The following SLC6A20 variants were observed in gnomAD, a reference collection of about 807,000 sequenced individuals.
SLC6A20 encodes the protein sodium- and chloride-dependent transporter XTRP3.
A neutral mutation model predicts 64.3 loss-of-function variants in SLC6A20; 73 were observed. The observed-to-expected ratio is 1.14, with a 90% confidence interval of 0.94 to 1.38. The LOEUF is 1.38. Among genes scored for constraint, SLC6A20 ranks in the 40% most tolerant of loss-of-function variants. SLC6A20 has a pLI of 0.00. For missense variants in SLC6A20, 725 were observed against 772.8 expected, an observed-to-expected ratio of 0.94 and a Z score of 0.73; for synonymous variants, 347 against 329.6, an observed-to-expected ratio of 1.05 and a Z score of -0.57.
chr3:45,780,120 C>T lies in SLC6A20; in HGVS notation c.263-20G>A, dbSNP rs376576555. Reference sequence around the variant, plus strand: ...CGACCCCTGCGAGGAAGCAGAGGGCCGCGCTGAGGACTGAGGATGGCCCTT... The same window carrying T: ...CGACCCCTGCGAGGAAGCAGAGGGCTGCGCTGAGGACTGAGGATGGCCCTT... On this transcript the variant is annotated intron_variant, in intron 2 of 10. Coordinates refer to ENST00000358525, the MANE Select transcript of SLC6A20 (RefSeq NM_020208.4). The T allele has an allele frequency of 3.6e-5, 57 of 1,569,692 alleles. 1 individual carries two copies. The highest frequency in any genetic ancestry group is 3.3e-4 in the Middle Eastern group (2 of 6,018).
chr3:45,769,583 C>T (rs184770150), intron 7 of SLC6A20, among the ~76,000 whole-genome samples: 24 of 151,662 alleles, frequency 1.6e-4, no homozygotes, highest in Admixed American at 1.4e-3. Flanking sequence ...TGAGGTTCCA[C>T]ATGTATTATT....
At chr3:45,772,696 TCTGGGGTATTCAGGCTGCACCGCCCAG>T (rs1699896915) in intron 4 of SLC6A20, 81 bp from the exon 5 acceptor site, 1 of 1,121,326 alleles carries the variant, frequency 8.9e-7, no homozygotes, top group Non-Finnish European at 1.3e-6. Flanking sequence ...GAACACCACA[TCTGGGGTATTCAGGCTGCACCGCCCAG>T]CTGCTGACAG....
At chr3:45,767,162 T>TA (rs1427871959) in intron 7 of SLC6A20, among the ~76,000 whole-genome samples, 1 of 152,162 alleles carries the variant, frequency 6.6e-6, no homozygotes, top group Non-Finnish European at 1.5e-5. Context: ...GTAGAGAACT[T>TA]AAAAACAATA....
Position 45,760,019 on chromosome 3 carries a change from A to T in SLC6A20, c.1467T>A (p.Phe489Leu), listed in dbSNP as rs775562214. The T allele has an allele frequency of 6.2e-7, 1 of 1,606,684 alleles. No individual in the cohort carries two copies. Among genetic ancestry groups the T allele is most frequent in the South Asian group, 1.1e-5 (1 of 90,024 alleles). ...AVCYVYGLRR[F>L]ESDLKAMTGR... ...CGGTCATGGCCTTAAGGTCACTTTC[A>T]AATCTATTTGGAAAACAGGGAGAGA... The change falls in exon 10 of 11, where the codon TTT (phenylalanine) becomes TTA (leucine). Residue 489 changes from phenylalanine (F) to leucine (L), a missense_variant. By Grantham distance (22) the Phe-to-Leu change is conservative (BLOSUM62 0). Transcript: ENST00000358525.
Position 45,775,876 on chromosome 3 carries a change from A to G in SLC6A20, c.467T>C (p.Ile156Thr). 1 of 1,614,054 alleles carries G rather than the reference A, an allele frequency of 6.2e-7. No homozygotes were observed. Among genetic ancestry groups the G allele is most frequent in the Non-Finnish European group, 8.5e-7 (1 of 1,179,998 alleles). Reference protein sequence around the residue: ...QYFWYRKTLNISPSLQENGGV... With the variant: ...QYFWYRKTLNTSPSLQENGGV... ...CCCGTTCTCCTGGAGGGACGGCGAG[A>G]TATTGAGGGTTTTCCTGTACCAGAA... The change falls in exon 4 of 11, where the codon ATC becomes ACC. Residue 156 changes from isoleucine to threonine, a missense_variant. Physicochemically the swap from Ile to Thr is moderately conservative, Grantham distance 89. Transcript: ENST00000358525.
chr3:45,796,451 C>A lies in SLC6A20; in HGVS notation c.-32G>T, dbSNP rs761723225. Reference sequence around the variant, plus strand: ...GGCCTCGGCGCGCTCGGCTCCGGCTCGGGGGTCCGGCACGGCAGTCTCAGT... The same window carrying A: ...GGCCTCGGCGCGCTCGGCTCCGGCTAGGGGGTCCGGCACGGCAGTCTCAGT... On this transcript the variant is annotated 5_prime_UTR_variant, in exon 1 of 11. Coordinates refer to ENST00000358525, the MANE Select transcript of SLC6A20 (RefSeq NM_020208.4). 2 of 1,599,034 alleles carry A rather than the reference C, an allele frequency of 1.3e-6. No homozygotes were observed. Among genetic ancestry groups the A allele is most frequent in the African/African-American group, 2.7e-5 (2 of 73,402 alleles).
chr3:45,763,684 TC>T lies in SLC6A20; in HGVS notation c.1304-613del, dbSNP rs544158895. Among the ~76,000 whole-genome samples, 559 of 151,824 alleles carry T rather than the reference TC, an allele frequency of 3.7e-3. 5 individuals are homozygous for T. Among genetic ancestry groups the T allele is most frequent in the African/African-American group, 0.013 (526 of 41,364 alleles). ...GGCAAGGCTCAGAGATGTCTAAGGC[TC>T]CCCCGACATCCCATAGCACATCCAT... On this transcript the variant is annotated intron_variant, in intron 8 of 10. Coordinates refer to ENST00000358525, the MANE Select transcript of SLC6A20 (RefSeq NM_020208.4).
At chr3:45,781,385 T>C (rs1286022224) in intron 2 of SLC6A20, among the ~76,000 whole-genome samples, 2 of 152,180 alleles carry the variant, frequency 1.3e-5, no homozygotes, top group East Asian at 3.9e-4. Context: ...CTGCCTGCCT[T>C]CCTTTCTGGG....
In SLC6A20 at chr3:45,789,420, C is replaced by A. The variant is rs562292132; in HGVS notation, c.121+6879G>T. ...TAATAAATATAAACGGATCAAATTC[C>A]TCCACTAAAACATGAGGACCACTGG... On this transcript the variant is annotated intron_variant, in intron 1 of 10. Transcript: ENST00000358525. 5.9e-5 allele frequency among the ~76,000 whole-genome samples: 9 copies of A among 152,278 alleles called. No homozygotes were observed. In the East Asian group the frequency reaches 1.7e-3, roughly 29 times the overall value.
chr3:45,774,844 G>T (rs2125728511), intron 4 of SLC6A20, among the ~76,000 whole-genome samples: 1 of 152,334 alleles, frequency 6.6e-6, no homozygotes, highest in Middle Eastern at 3.4e-3. Flanking sequence ...GTGAGGCTGG[G>T]CTTTGCCCTC....
chr3:45,794,621 A>G (rs1302920748), intron 1 of SLC6A20, among the ~76,000 whole-genome samples: 2 of 152,200 alleles, frequency 1.3e-5, no homozygotes, highest in African/African-American at 4.8e-5. Flanking sequence ...CTCCAGAACT[A>G]TCAGCCCCAC....
In SLC6A20 at chr3:45,772,614, A is replaced by C; in HGVS notation, c.584T>G (p.Val195Gly). 2 of 1,612,394 alleles carry C rather than the reference A, an allele frequency of 1.2e-6. No individual in the cohort carries two copies. The highest frequency in any genetic ancestry group is 1.7e-6 in the Non-Finnish European group (2 of 1,179,318). ...ILRGTESTGKVVYFTASLPYC... is the reference protein window; with the variant it reads ...ILRGTESTGKGVYFTASLPYC... The stretch of plus-strand genomic sequence containing the variant: ...GGGCAGTGACGCCGTGAAATACACC[A>C]CCTGCGGGCATCAGAGGGCAGAGTT... The change falls in exon 5 of 11, where the codon GTG (valine) becomes GGG (glycine). Residue 195 changes from valine to glycine, a missense_variant and splice_region_variant. Coordinates refer to ENST00000358525, the MANE Select transcript of SLC6A20 (RefSeq NM_020208.4).
intron 3 of SLC6A20, among the ~76,000 whole-genome samples, chr3:45,777,705 G>A (rs57133084): frequency 0.048 from 7,330 of 152,218 alleles, 604 homozygotes; most frequent in African/African-American, 0.17. Context: ...GTCCCAGGCA[G>A]GTGACAGGGG....
chr3:45,759,062 G>C lies in SLC6A20; in HGVS notation c.1695C>G (p.Ser565=), dbSNP rs760992119. The C allele has an allele frequency of 1.2e-6, 2 of 1,613,096 alleles. No homozygotes were observed. The highest frequency in any genetic ancestry group is 1.1e-5 in the South Asian group (1 of 90,714). The part of the protein sequence containing the change: ...ALAVIGLLVA[S]STMCIPLAAL... ...CCGCCAGGGGGATGCACATGGTGGA[G>C]GAGGCCACAAGCAGCCCGATGACAG... is the stretch of plus-strand genomic sequence containing the variant. Residue 565 remains serine, a synonymous_variant, in exon 11 of 11, where the codon TCC becomes TCG. Transcript: ENST00000358525.
intron 3 of SLC6A20, among the ~76,000 whole-genome samples, chr3:45,778,221 C>T (rs1700005240): frequency 6.6e-6 from 1 of 152,208 alleles, no homozygotes; most frequent in Admixed American, 6.5e-5. Flanking sequence ...GGGCCAGGTC[C>T]CTGAGTCCAA....
chr3:45,759,935 A>C lies in SLC6A20; in HGVS notation c.1551T>G (p.Ile517Met). 1 of 1,614,158 alleles carries C rather than the reference A, an allele frequency of 6.2e-7. No individual in the cohort carries two copies. The change falls in exon 10 of 11, where the codon ATT becomes ATG. Residue 517 changes from isoleucine to methionine, a missense_variant. Ile to Met is a conservative substitution (Grantham distance 10, BLOSUM62 1). Transcript: ENST00000358525. ...TCAGGTAGAAGACAAAGAGGCTGACAATCAGCAGTGGGCTTACGCCAGCCC... is the reference window on the plus strand; with the variant it reads ...TCAGGTAGAAGACAAAGAGGCTGACCATCAGCAGTGGGCTTACGCCAGCCC... Reference protein sequence around the residue: ...VMWAGVSPLLIVSLFVFYLSD... With the variant: ...VMWAGVSPLLMVSLFVFYLSD...
Position 45,796,533 on chromosome 3 carries a change from C to T in SLC6A20, c.-114G>A. 9.1e-7 allele frequency: 1 copy of T among 1,096,408 alleles called. No homozygotes were observed. The highest frequency in any genetic ancestry group is 1.2e-6 in the Non-Finnish European group (1 of 830,514). 67.9% of individuals were successfully genotyped at this position (1,096,408 alleles called of 1,614,324 possible). ...GCTCGGCTTGGGGGTGGCCCCGCGCCTCCGCCGCCGACGCAGCTAGCTGGT... is the reference window on the plus strand; with the variant it reads ...GCTCGGCTTGGGGGTGGCCCCGCGCTTCCGCCGCCGACGCAGCTAGCTGGT... On this transcript the variant is annotated 5_prime_UTR_variant, in exon 1 of 11. Coordinates refer to ENST00000358525, the MANE Select transcript of SLC6A20 (RefSeq NM_020208.4).
At position 45,759,214 on chromosome 3, in the gene SLC6A20, G is replaced by A; in HGVS notation, c.1630-87C>T. ...GGCCCATCCGTGATGGGGAGGTGATGTGACGTGGGCAGAGAGCATGTGGGG... is the reference window on the plus strand; with the variant it reads ...GGCCCATCCGTGATGGGGAGGTGATATGACGTGGGCAGAGAGCATGTGGGG... On this transcript the variant is annotated intron_variant, in intron 10 of 10. Transcript: ENST00000358525. 3 of 1,407,058 alleles carry A rather than the reference G, an allele frequency of 2.1e-6. 1 individual carries two copies. Among genetic ancestry groups the A allele is most frequent in the South Asian group, 1.5e-5 (1 of 65,474 alleles). The allele number at this position is 1,407,058 out of a possible 1,614,324, so 87.2% of individuals were successfully genotyped here. A position where few individuals can be genotyped will look rare whatever the true frequency, so the allele number is the denominator to read the frequency against.
At chr3:45,788,617 AG>A (rs1408912575) in intron 1 of SLC6A20, among the ~76,000 whole-genome samples, 1 of 152,232 alleles carries the variant, frequency 6.6e-6, no homozygotes, top group Non-Finnish European at 1.5e-5. Flanking sequence ...GTAATATTCT[AG>A]GTCCATGATA....
Sources: gnomAD v4.1 joint callset for allele counts (sites outside exome capture counted in the v4.1 genomes callset) on GRCh38, gnomAD v4.1.1 for gene constraint, MANE v1.5 for transcripts, NCBI Gene and HGNC (gene_info 2026-07-23, HGNC 2026-07-21) for gene names.